Variants in ROBO2 observed in about 807,000 individuals in gnomAD.
The protein encoded by ROBO2 is roundabout homolog 2.
A neutral mutation model predicts 160.8 loss-of-function variants in ROBO2; 53 were observed. The observed-to-expected ratio is 0.33, with a 90% CI of 0.26 to 0.41. The LOEUF (loss-of-function observed/expected upper bound fraction) is 0.41. ROBO2 is among the 10% of genes least tolerant of loss of function. The probability of loss-of-function intolerance (pLI) is 1.00; values close to 1 mark genes in which losing one functional copy is unlikely to be tolerated. For synonymous variants in ROBO2, 664 were observed against 611.7 expected, an observed-to-expected ratio of 1.09 and a Z score of -1.26; for missense variants, 1,577 against 1,722.4, an observed-to-expected ratio of 0.92 and a Z score of 1.49.
At chr3:77,045,061 C>G (rs67429322) in intron 1 of ROBO2, among the ~76,000 whole-genome samples, 1 of 151,826 alleles carries the variant, frequency 6.6e-6, no homozygotes, top group Non-Finnish European at 1.5e-5. Context: ...GGGAGGGAGG[C>G]GGGCGGTAGG....
chr3:76,445,998 C>G (rs1419314336), intron 2 of ROBO2, among the ~76,000 whole-genome samples: 1 of 152,124 alleles, frequency 6.6e-6, no homozygotes, highest in Non-Finnish European at 1.5e-5. Context: ...AATGCCCTCT[C>G]TCACCACTCC....
chr3:77,253,315 A>G (rs1369463908), intron 2 of ROBO2, among the ~76,000 whole-genome samples: 1 of 152,152 alleles, frequency 6.6e-6, no homozygotes, highest in Non-Finnish European at 1.5e-5. Context: ...CATTTCTATG[A>G]GTTGAATTAT....
At chr3:77,279,359 G>A (rs916620522) in intron 2 of ROBO2, among the ~76,000 whole-genome samples, 1 of 152,038 alleles carries the variant, frequency 6.6e-6, no homozygotes, top group Non-Finnish European at 1.5e-5. Flanking sequence ...TTATGCAAAT[G>A]ACTCACAATG....
intron 2 of ROBO2, among the ~76,000 whole-genome samples, chr3:76,921,859 T>C (rs953327590): frequency 2.8e-4 from 43 of 152,344 alleles, no homozygotes; most frequent in African/African-American, 1.0e-3. Flanking sequence ...TAGGATTATG[T>C]GAGCTTGTAT....
intron 2 of ROBO2, among the ~76,000 whole-genome samples, chr3:76,649,229 T>G (rs2091137602): frequency 6.6e-6 from 1 of 152,176 alleles, no homozygotes; most frequent in Admixed American, 6.5e-5. Flanking sequence ...AATTCTAGTT[T>G]TTTAAATTAT....
intron 2 of ROBO2, among the ~76,000 whole-genome samples, chr3:76,981,587 T>C (rs1406791635): frequency 6.6e-6 from 1 of 152,204 alleles, no homozygotes; most frequent in Non-Finnish European, 1.5e-5. Context: ...AATAACTTTC[T>C]AATATTCTGT....
intron 2 of ROBO2, among the ~76,000 whole-genome samples, chr3:76,248,716 T>A (rs1170415557): frequency 6.6e-6 from 1 of 152,140 alleles, no homozygotes; most frequent in African/African-American, 2.4e-5. Flanking sequence ...ATCTTCCAAC[T>A]ATTCCACTCC....
chr3:77,281,518 C>A (rs1162404476), intron 2 of ROBO2, among the ~76,000 whole-genome samples: 1 of 150,484 alleles, frequency 6.6e-6, no homozygotes, highest in African/African-American at 2.4e-5. Context: ...AAAAAAAAAA[C>A]CACCAGAAAT....
At chr3:77,577,560 T>G (rs1027591769) in exon 15 of ROBO2, 18 of 1,613,288 alleles carry the variant, frequency 1.1e-5, no homozygotes, top group African/African-American at 1.3e-5. Context: ...GTATTAGTGT[T>G]TCCTGGGATC....
chr3:76,616,223 C>G (rs565153994), intron 2 of ROBO2, among the ~76,000 whole-genome samples: 1 of 152,118 alleles, frequency 6.6e-6, no homozygotes, highest in Non-Finnish European at 1.5e-5. Flanking sequence ...ACTACCTTAC[C>G]ACTTTTATCC....
At chr3:76,273,595 C>A (rs1003069442) in intron 2 of ROBO2, among the ~76,000 whole-genome samples, 7 of 152,078 alleles carry the variant, frequency 4.6e-5, no homozygotes, top group Non-Finnish European at 1.5e-5. Flanking sequence ...AAGTGCCGAG[C>A]AAAAGTGGGG....
chr3:76,709,173 T>A (rs1007953883), intron 2 of ROBO2, among the ~76,000 whole-genome samples: 26 of 152,176 alleles, frequency 1.7e-4, no homozygotes, highest in African/African-American at 2.4e-5. Context: ...AAATTAGATA[T>A]GCATTCCCCA....
intron 9 of ROBO2, among the ~76,000 whole-genome samples, chr3:77,560,083 G>A (rs945001560): frequency 6.6e-6 from 1 of 152,028 alleles, no homozygotes; most frequent in African/African-American, 2.4e-5. Flanking sequence ...CTGAATTAAA[G>A]GGTATGCTTG....
intron 2 of ROBO2, among the ~76,000 whole-genome samples, chr3:76,619,391 T>A (rs1443123849): frequency 6.6e-6 from 1 of 152,064 alleles, no homozygotes; most frequent in Non-Finnish European, 1.5e-5. Flanking sequence ...TATCTCTGTG[T>A]CTCCTAATGA....
intron 2 of ROBO2, among the ~76,000 whole-genome samples, chr3:77,383,810 T>C (rs2073812616): frequency 6.6e-6 from 1 of 152,168 alleles, no homozygotes; most frequent in East Asian, 1.9e-4. Flanking sequence ...AAAGAGATTT[T>C]TCATCCTTTA....
chr3:77,338,937 A>G (rs868304235), intron 2 of ROBO2, among the ~76,000 whole-genome samples: 4 of 152,274 alleles, frequency 2.6e-5, no homozygotes, highest in African/African-American at 9.6e-5. Flanking sequence ...ATCTGATAAT[A>G]GAAACAGCCC....
In ROBO2 at chr3:76,412,198, A is replaced by AT. The variant is rs2075522445; in HGVS notation, c.109+474596_109+474597insT. On this transcript the variant is annotated intron_variant, in intron 2 of 26. Coordinates refer to the ROBO2 transcript ENST00000487694. ...TGACTATCACCAGAATAGCACGAGA[A>AT]ACACCAACCCCGTCATTCATTTACC... Among the ~76,000 whole-genome samples the AT allele has an allele frequency of 4.6e-5, 7 of 152,130 alleles. No homozygotes were observed. The South Asian group carries it at 1.5e-3, about 32-fold the overall frequency.
At chr3:76,991,381 C>T (rs138067833) in intron 2 of ROBO2, among the ~76,000 whole-genome samples, 115 of 152,268 alleles carry the variant, frequency 7.6e-4, no homozygotes, top group African/African-American at 2.6e-3. Context: ...GCAATATCAT[C>T]GCACAGTATG....
At chr3:77,341,856 A>C (rs1336364676) in intron 2 of ROBO2, among the ~76,000 whole-genome samples, 1 of 152,040 alleles carries the variant, frequency 6.6e-6, no homozygotes, top group East Asian at 1.9e-4. Context: ...CTTTAAAAAT[A>C]ATTATAAATA....
Sources: gnomAD v4.1 joint callset for allele counts (sites outside exome capture counted in the v4.1 genomes callset) on GRCh38, gnomAD v4.1.1 for gene constraint, MANE v1.5 for transcripts, NCBI Gene and HGNC (gene_info 2026-07-23, HGNC 2026-07-21) for gene names.